Variants in DOCK3 observed in about 807,000 individuals in gnomAD.
The protein encoded by DOCK3 is dedicator of cytokinesis 3.
In DOCK3, 60 loss-of-function variants were observed where a neutral mutation model predicts 265.6. The observed-to-expected ratio is 0.23, with a 90% CI of 0.18 to 0.28. The LOEUF (loss-of-function observed/expected upper bound fraction) is 0.28. DOCK3 is among the 10% of genes least tolerant of loss of function. The probability of loss-of-function intolerance (pLI) is 1.00; values close to 1 mark genes in which losing one functional copy is unlikely to be tolerated. For synonymous variants in DOCK3, 881 were observed against 938.0 expected (o/e 0.94, Z 1.11); for missense variants, 1,981 against 2,594.3 (o/e 0.76, Z 5.14).
At chr3:51,357,170 G>A (rs759001872) in intron 44 of DOCK3, 29 bp downstream of exon 44, 16 of 1,595,142 alleles carry the variant, frequency 1.0e-5, no homozygotes, top group Non-Finnish European at 1.3e-5. Context: ...CCAAACCCAT[G>A]CAGCCAGCCT....
chr3:50,908,362 A>G (rs1318311157), intron 4 of DOCK3, among the ~76,000 whole-genome samples: 1 of 151,988 alleles, frequency 6.6e-6, no homozygotes, highest in Non-Finnish European at 1.5e-5. Flanking sequence ...GTGGACATTT[A>G]GTGTTATAAA....
At chr3:50,953,673 A>AG (rs1216579963) in intron 5 of DOCK3, among the ~76,000 whole-genome samples, 1 of 152,124 alleles carries the variant, frequency 6.6e-6, no homozygotes, top group Non-Finnish European at 1.5e-5. Flanking sequence ...AATGAAAAAA[A>AG]TGTGTTAACG....
In DOCK3 at chr3:51,236,412, T is replaced by C. The variant is rs751195861; in HGVS notation, c.1985T>C (p.Leu662Ser). The C allele has an allele frequency of 6.2e-7, 1 of 1,610,310 alleles. No individual in the cohort carries two copies. The highest frequency in any genetic ancestry group is 2.2e-5 in the East Asian group (1 of 44,868). Residue 662 changes from leucine (L) to serine (S), a missense_variant, in exon 20 of 53, where the codon TTG becomes TCG. Leu to Ser is a moderately radical substitution (Grantham distance 145). This residue lies in a region of DOCK3 where 1,357 missense variants were observed against 1,866.8 expected (regional missense o/e 0.73). Transcript: ENST00000266037. The part of the protein sequence containing the change: ...LDDNTEKYGL[L>S]VFQSLVFIIN... ...GATAATACAGAGAAGTACGGCCTGTTGGTTTTTCAGTCTCTGGTAAGTCAC... is the reference window on the plus strand; with the variant it reads ...GATAATACAGAGAAGTACGGCCTGTCGGTTTTTCAGTCTCTGGTAAGTCAC...
At chr3:50,784,032 T>A (rs1299062200) in intron 2 of DOCK3, among the ~76,000 whole-genome samples, 1 of 152,158 alleles carries the variant, frequency 6.6e-6, no homozygotes, top group Non-Finnish European at 1.5e-5. Flanking sequence ...CACGCCTGGC[T>A]AATTTTTGTA....
intron 1 of DOCK3, among the ~76,000 whole-genome samples, chr3:50,709,570 A>G (rs1472047777): frequency 6.6e-6 from 1 of 152,052 alleles, no homozygotes; most frequent in Non-Finnish European, 1.5e-5. Context: ...TCATGCTTGT[A>G]ATCCCAGCAC....
chr3:51,308,694 C>T (rs550707135), intron 27 of DOCK3, among the ~76,000 whole-genome samples: 15 of 152,310 alleles, frequency 9.8e-5, no homozygotes, highest in African/African-American at 2.6e-4. Flanking sequence ...TCCACAAAAC[C>T]GCCATTGTCA....
At chr3:50,954,127 A>T (rs534020401) in intron 5 of DOCK3, among the ~76,000 whole-genome samples, 1 of 152,042 alleles carries the variant, frequency 6.6e-6, no homozygotes, top group South Asian at 2.1e-4. Flanking sequence ...CCTCCCATAT[A>T]TCCTGGAAAC....
intron 2 of DOCK3, among the ~76,000 whole-genome samples, chr3:50,785,016 GGGT>G (rs1321572973): frequency 1.3e-5 from 2 of 152,178 alleles, no homozygotes; most frequent in East Asian, 3.8e-4. Flanking sequence ...AATTAGCTGG[GGGT>G]GGTGGTGCAC....
In DOCK3 at chr3:50,742,713, C is replaced by T. The variant is rs1291461154; in HGVS notation, c.38-35962C>T. Among the ~76,000 whole-genome samples, 239 of 152,152 alleles carry T rather than the reference C, an allele frequency of 1.6e-3. 1 individual carries two copies. In the Middle Eastern group the frequency reaches 0.027, roughly 17 times the overall value. On this transcript the variant is annotated intron_variant, in intron 1 of 52. Transcript: ENST00000266037. ...GGACTATGTGAAAAGACCAAATCTA[C>T]GTCTGATTGGTGTACCTGAAAGTGA...
chr3:51,295,014 AATT>A (rs770031261), intron 27 of DOCK3, among the ~76,000 whole-genome samples: 8 of 152,220 alleles, frequency 5.3e-5, no homozygotes, highest in South Asian at 2.1e-4. Context: ...AATTATATAC[AATT>A]ATTATTTGTC....
At chr3:51,304,282 A>G (rs2082524273) in intron 27 of DOCK3, among the ~76,000 whole-genome samples, 1 of 152,058 alleles carries the variant, frequency 6.6e-6, no homozygotes, top group Non-Finnish European at 1.5e-5. Flanking sequence ...CTGGAGCTAC[A>G]GTGATGGCTG....
At chr3:51,264,795 C>G (rs2080066188) in intron 23 of DOCK3, among the ~76,000 whole-genome samples, 2 of 146,414 alleles carry the variant, frequency 1.4e-5, no homozygotes, top group Non-Finnish European at 3.0e-5. Flanking sequence ...CCACCACACT[C>G]CAGCCTGGGT....
At chr3:51,211,964 A>C (rs2089530534) in intron 13 of DOCK3, among the ~76,000 whole-genome samples, 1 of 152,216 alleles carries the variant, frequency 6.6e-6, no homozygotes, top group Admixed American at 6.5e-5. Flanking sequence ...TGGGTGTTGC[A>C]TACTGGGTGA....
At chr3:50,999,022 A>G (rs2078379588) in intron 5 of DOCK3, among the ~76,000 whole-genome samples, 1 of 152,180 alleles carries the variant, frequency 6.6e-6, no homozygotes, top group African/African-American at 2.4e-5. Flanking sequence ...TTTAACTAAC[A>G]CTAATGTTCC....
At chr3:50,915,506 T>C (rs2050071970) in intron 4 of DOCK3, among the ~76,000 whole-genome samples, 1 of 152,072 alleles carries the variant, frequency 6.6e-6, no homozygotes, top group African/African-American at 2.4e-5. Context: ...TTGTGTGGCC[T>C]GTAGGGCAAG....
At chr3:51,240,135 G>A (rs2078542822) in intron 21 of DOCK3, among the ~76,000 whole-genome samples, 1 of 152,112 alleles carries the variant, frequency 6.6e-6, no homozygotes, top group Non-Finnish European at 1.5e-5. Context: ...AGAGATTCTG[G>A]TATGCTGTAT....
chr3:51,225,243 C>T (rs2090279033), intron 14 of DOCK3, among the ~76,000 whole-genome samples: 1 of 152,138 alleles, frequency 6.6e-6, no homozygotes, highest in South Asian at 2.1e-4. Flanking sequence ...AAAAGAGAAA[C>T]CCTTCTTGAG....
At chr3:50,761,902 TAC>T (rs1473389573) in intron 1 of DOCK3, among the ~76,000 whole-genome samples, 2 of 152,206 alleles carry the variant, frequency 1.3e-5, no homozygotes, top group African/African-American at 4.8e-5. Context: ...GTGGCACATA[TAC>T]AACACGGAAT....
intron 8 of DOCK3, 117 bp downstream of exon 8, chr3:51,089,401 T>A (rs1289066061): frequency 1.6e-6 from 2 of 1,272,232 alleles, no homozygotes; most frequent in Non-Finnish European, 2.2e-6. Flanking sequence ...CTGTGTGGTG[T>A]CTTTATCTGA....
Sources: allele counts gnomAD v4.1 joint callset (sites outside exome capture counted in the v4.1 genomes callset), GRCh38; gene constraint gnomAD v4.1.1; regional missense constraint gnomAD v4.1.1; transcripts MANE v1.5; gene names NCBI Gene and HGNC (gene_info 2026-07-23, HGNC 2026-07-21).